Variants in BZW2 observed in about 807,000 individuals in gnomAD.
BZW2 encodes basic leucine zipper and W2 domains 2.
In BZW2, 23 loss-of-function variants were observed where a neutral mutation model predicts 53.2. That is an observed-to-expected ratio of 0.43 (90% CI 0.31 to 0.61). BZW2 has a LOEUF of 0.61. BZW2 is among the 20% of genes least tolerant of loss of function. The probability of loss-of-function intolerance (pLI) is 0.09; values close to 1 mark genes in which losing one functional copy is unlikely to be tolerated. For synonymous variants in BZW2, 227 were observed against 186.4 expected, an observed-to-expected ratio of 1.22 and a Z score of -1.77; for missense variants, 409 against 503.1, an observed-to-expected ratio of 0.81 and a Z score of 1.79.
At chr7:16,700,481 C>T (rs1017925404) in intron 10 of BZW2, among the ~76,000 whole-genome samples, 10 of 152,164 alleles carry the variant, frequency 6.6e-5, no homozygotes, top group Non-Finnish European at 1.3e-4. Context: ...ACTTAGTAAA[C>T]AGTGAGTGTT....
intron 10 of BZW2, among the ~76,000 whole-genome samples, chr7:16,703,336 C>G (rs1583759280): frequency 6.6e-6 from 1 of 152,046 alleles, no homozygotes; most frequent in South Asian, 2.1e-4. Flanking sequence ...ATAAACAAAT[C>G]ATGTTCATTT....
intron 1 of BZW2, among the ~76,000 whole-genome samples, chr7:16,660,287 C>T (rs1293627176): frequency 6.6e-6 from 1 of 151,704 alleles, no homozygotes; most frequent in Non-Finnish European, 1.5e-5. Context: ...TGGTAGTGTG[C>T]CTGTAGTCCT....
chr7:16,653,932 T>C (rs910366536), intron 1 of BZW2, among the ~76,000 whole-genome samples: 2 of 151,532 alleles, frequency 1.3e-5, no homozygotes, highest in Non-Finnish European at 2.9e-5. Context: ...TACTTTAAAG[T>C]TTTAAATCAC....
At chr7:16,690,024 C>A in intron 7 of BZW2, 118 bp downstream of exon 7, 1 of 574,710 alleles carries the variant, frequency 1.7e-6, no homozygotes. Flanking sequence ...GAGCACTGTT[C>A]CTTTTATTTC....
At chr7:16,704,875 A>T (rs1373916323) in intron 11 of BZW2, among the ~76,000 whole-genome samples, 1 of 152,258 alleles carries the variant, frequency 6.6e-6, no homozygotes, top group African/African-American at 2.4e-5. Flanking sequence ...AAAGAAAGAA[A>T]TGAAATGCTT....
At chr7:16,700,802 G>T (rs1416053199) in intron 10 of BZW2, 2 of 152,036 alleles carry the variant, frequency 1.3e-5, no homozygotes, top group Non-Finnish European at 2.9e-5. Context: ...AAGTTTCTGT[G>T]GATTCCTTTT....
At chr7:16,678,547 T>C (rs1782839033) in intron 3 of BZW2, among the ~76,000 whole-genome samples, 1 of 152,242 alleles carries the variant, frequency 6.6e-6, no homozygotes, top group Non-Finnish European at 1.5e-5. Context: ...ATGTAATAAG[T>C]GTTTTCTTTC....
intron 1 of BZW2, among the ~76,000 whole-genome samples, chr7:16,650,660 A>T (rs1781962725): frequency 6.6e-6 from 1 of 152,110 alleles, no homozygotes; most frequent in Non-Finnish European, 1.5e-5. Context: ...AGACTTTGGG[A>T]TTTTACAAGA....
At chr7:16,654,374 A>G (rs573381956) in intron 1 of BZW2, among the ~76,000 whole-genome samples, 2 of 152,134 alleles carry the variant, frequency 1.3e-5, no homozygotes, top group African/African-American at 4.8e-5. Context: ...GATGACTTTT[A>G]AAATAAAGAT....
intron 1 of BZW2, among the ~76,000 whole-genome samples, chr7:16,651,924 G>T (rs751707124): frequency 1.3e-5 from 2 of 152,062 alleles, no homozygotes; most frequent in Admixed American, 6.5e-5. Flanking sequence ...AATTTATGAG[G>T]CAAATAATGA....
chr7:16,655,475 G>A (rs528000312), intron 1 of BZW2, among the ~76,000 whole-genome samples: 1 of 152,176 alleles, frequency 6.6e-6, no homozygotes, highest in South Asian at 2.1e-4. Flanking sequence ...TTAAATCAGG[G>A]TGATTAGCAT....
rs541381109 is a variant in BZW2 at position 16,697,907 on chromosome 7, G to C, written c.970-141G>C. 3.0e-6 allele frequency: 3 copies of C among 1,007,144 alleles called. No homozygotes were observed. The Middle Eastern group carries it at 9.5e-4, about 319-fold the overall frequency. 62.4% of individuals were successfully genotyped at this position (1,007,144 alleles called of 1,614,324 possible). The stretch of plus-strand genomic sequence containing the variant: ...TGTTCTGTTCCCCTCACCCCATTGG[G>C]CACAATATGATGATAAAAGGTGTCA... On this transcript the variant is annotated intron_variant, in intron 9 of 11. Coordinates refer to ENST00000258761, the MANE Select transcript of BZW2 (RefSeq NM_014038.3).
At position 16,646,218 on chromosome 7, in the gene BZW2, C is replaced by G; in HGVS notation, c.-78C>G. ...TCTGCCGCCACTGCTGCTGCTGCTGCTGCTGCCGCTGCTGCTGCACGAATC... is the reference window on the plus strand; with the variant it reads ...TCTGCCGCCACTGCTGCTGCTGCTGGTGCTGCCGCTGCTGCTGCACGAATC... On this transcript the variant is annotated 5_prime_UTR_variant, in exon 1 of 12. Coordinates refer to ENST00000258761, the MANE Select transcript of BZW2 (RefSeq NM_014038.3). 2.9e-6 allele frequency: 1 copy of G among 345,074 alleles called. No homozygotes were observed. Among genetic ancestry groups the G allele is most frequent in the Non-Finnish European group, 5.9e-6 (1 of 169,382 alleles). The allele number at this position is 345,074 out of a possible 1,614,324, so 21.4% of individuals were successfully genotyped here.
At position 16,706,188 on chromosome 7, in the gene BZW2, G is replaced by A. The variant is rs972282256; in HGVS notation, c.*100G>A. The stretch of plus-strand genomic sequence containing the variant: ...GAAACTTGGCTTCTGTTTTCGCAAA[G>A]GAAAAAAAAAATAGGATAGGCTTCC... On this transcript the variant is annotated 3_prime_UTR_variant, in exon 12 of 12. Transcript: ENST00000258761. The A allele has an allele frequency of 3.7e-4, 494 of 1,342,530 alleles. No individual in the cohort carries two copies. The highest frequency in any genetic ancestry group is 4.6e-4 in the Non-Finnish European group (443 of 962,800). 83.2% of individuals were successfully genotyped at this position (1,342,530 alleles called of 1,614,324 possible). A position where few individuals can be genotyped will look rare whatever the true frequency, so the allele number is the denominator to read the frequency against.
At chr7:16,668,010 A>T (rs1403092177) in intron 2 of BZW2, among the ~76,000 whole-genome samples, 1 of 152,246 alleles carries the variant, frequency 6.6e-6, no homozygotes, top group Non-Finnish European at 1.5e-5. Context: ...TTTATCAGTA[A>T]TGACCAATAT....
In BZW2 at chr7:16,682,765, T is replaced by C. The variant is rs1052949307; in HGVS notation, c.340-15T>C. On this transcript the variant is annotated splice_polypyrimidine_tract_variant and intron_variant, in intron 4 of 11. Coordinates refer to ENST00000258761, the MANE Select transcript of BZW2 (RefSeq NM_014038.3). ...TTTTGGTTGACCTAATATTTAATGG[T>C]TGTTTTTTTTTTAGGTCTTCAATAA... is the stretch of plus-strand genomic sequence containing the variant. 4 of 1,528,204 alleles carry C rather than the reference T, an allele frequency of 2.6e-6. No individual in the cohort carries two copies. The African/African-American group carries it at 4.7e-5, about 18-fold the overall frequency. The allele number at this position is 1,528,204 out of a possible 1,614,324, so 94.7% of individuals were successfully genotyped here.
At chr7:16,664,656 G>A (rs1273902524) in intron 1 of BZW2, among the ~76,000 whole-genome samples, 1 of 152,204 alleles carries the variant, frequency 6.6e-6, no homozygotes, top group Non-Finnish European at 1.5e-5. Context: ...CTTTCATAAA[G>A]CTTCGTGGTG....
intron 5 of BZW2, among the ~76,000 whole-genome samples, chr7:16,685,412 GTT>G (rs553560253): frequency 7.0e-6 from 1 of 141,872 alleles, no homozygotes. Context: ...ACTCTTTCCT[GTT>G]TTTTTTTTTT....
chr7:16,698,306 T>A, intron 10 of BZW2, 120 bp downstream of exon 10: 1 of 1,348,514 alleles, frequency 7.4e-7, no homozygotes, highest in Non-Finnish European at 1.0e-6. Flanking sequence ...AGCAAGATGC[T>A]AATTTGTGAA....
Sources: gnomAD v4.1 joint callset for allele counts (sites outside exome capture counted in the v4.1 genomes callset) on GRCh38, gnomAD v4.1.1 for gene constraint, MANE v1.5 for transcripts, NCBI Gene and HGNC (gene_info 2026-07-23, HGNC 2026-07-21) for gene names.